The following TSHZ3 variants were observed in gnomAD, a reference collection of about 807,000 sequenced individuals.
The protein encoded by TSHZ3 is teashirt homolog 3.
Under a neutral mutation model 64.5 loss-of-function variants are expected in TSHZ3, and 10 were observed. That is an observed-to-expected ratio of 0.16 (90% CI 0.10 to 0.26). The LOEUF (loss-of-function observed/expected upper bound fraction) is 0.26, where lower values mean the gene tolerates loss of function less well. Ranked by LOEUF, TSHZ3 falls within the 10% of genes least tolerant of loss-of-function variation. TSHZ3 has a pLI of 1.00. For missense variants in TSHZ3, 1,242 were observed against 1,421.7 expected (o/e 0.87, Z 2.03); for synonymous variants, 608 against 593.1 (o/e 1.03, Z -0.36).
intron 3 of TSHZ3, among the ~76,000 whole-genome samples, chr19:31,233,882 G>A (rs1975572871): frequency 6.8e-6 from 1 of 147,076 alleles, no homozygotes; most frequent in Non-Finnish European, 1.5e-5. Flanking sequence ...TTTCAGCTAT[G>A]TTAGGTCTCT....
chr19:31,350,656 C>G (rs905179345), upstream of TSHZ3, among the ~76,000 whole-genome samples: 51 of 151,632 alleles, frequency 3.4e-4, no homozygotes, highest in African/African-American at 1.2e-3. Context: ...GCCCGGCCGA[C>G]TGGCCGCGGC....
At chr19:31,265,217 T>C (rs931697132) in intron 1 of TSHZ3, among the ~76,000 whole-genome samples, 95 of 151,218 alleles carry the variant, frequency 6.3e-4, no homozygotes, top group African/African-American at 2.2e-3. Flanking sequence ...GCCAACATGG[T>C]GAAACCCCGT....
At chr19:31,293,185 A>G (rs186031780) in intron 1 of TSHZ3, among the ~76,000 whole-genome samples, 1 of 152,266 alleles carries the variant, frequency 6.6e-6, no homozygotes, top group Admixed American at 6.5e-5. Flanking sequence ...TTCATCCAAT[A>G]TGTATTAGAC....
chr19:31,295,362 C>T (rs570861992), intron 1 of TSHZ3, among the ~76,000 whole-genome samples: 3 of 152,324 alleles, frequency 2.0e-5, no homozygotes, highest in African/African-American at 7.2e-5. Flanking sequence ...CGCTGATATC[C>T]TTTGATACGC....
rs184833402 is a variant in TSHZ3, at chr19:31,258,054, T to A, written n.64-15179A>T. ...AGACTGGGGCAATTGATAAACTGGG[T>A]GACTGCAGCTTAATCCCATGAGAAG... On this transcript the variant is annotated intron_variant and non_coding_transcript_variant, in intron 1 of 6. Coordinates refer to the TSHZ3 transcript ENST00000651361. Among the ~76,000 whole-genome samples, 15 of 152,182 alleles carry A rather than the reference T, an allele frequency of 9.9e-5. No individual in the cohort carries two copies. The East Asian group carries it at 2.7e-3, about 28-fold the overall frequency.
chr19:31,219,729 G>T (rs145909558), intron 4 of TSHZ3, among the ~76,000 whole-genome samples: 8 of 151,018 alleles, frequency 5.3e-5, no homozygotes, highest in South Asian at 2.1e-4. Context: ...AATTAAGACA[G>T]TTCTATTAGC....
chr19:31,232,277 C>T (rs1020516521), intron 3 of TSHZ3, among the ~76,000 whole-genome samples: 12 of 152,052 alleles, frequency 7.9e-5, no homozygotes, highest in African/African-American at 2.7e-4. Context: ...TGAGTAATTG[C>T]TGGCTGAAAA....
chr19:31,295,122 A>G (rs1976640623), intron 1 of TSHZ3, among the ~76,000 whole-genome samples: 1 of 152,244 alleles, frequency 6.6e-6, no homozygotes, highest in Non-Finnish European at 1.5e-5. Context: ...GTATACCCAT[A>G]TCATGAAATA....
At chr19:31,177,379 C>T (rs1599562207) in intron 5 of TSHZ3, among the ~76,000 whole-genome samples, 3 of 152,212 alleles carry the variant, frequency 2.0e-5, no homozygotes, top group South Asian at 2.1e-4. Flanking sequence ...TGGTTGCCCT[C>T]CCTCAAGGGG....
intron 1 of TSHZ3, among the ~76,000 whole-genome samples, chr19:31,300,870 G>C (rs984109757): frequency 9.9e-5 from 15 of 152,138 alleles, no homozygotes; most frequent in Non-Finnish European, 1.8e-4. Context: ...TTGTCAGGAA[G>C]AAAGTCCTAC....
intron 1 of TSHZ3, among the ~76,000 whole-genome samples, chr19:31,261,889 C>T (rs764090799): frequency 2.0e-5 from 3 of 152,140 alleles, no homozygotes; most frequent in Non-Finnish European, 4.4e-5. Context: ...TATATGAAGT[C>T]GGAACCCTCC....
intron 1 of TSHZ3, among the ~76,000 whole-genome samples, chr19:31,258,427 C>T (rs918253917): frequency 6.6e-6 from 1 of 152,186 alleles, no homozygotes; most frequent in Non-Finnish European, 1.5e-5. Context: ...CAAACCCTTG[C>T]TCCAAGTCCT....
chr19:31,329,659 C>G (rs1279543308), intron 1 of TSHZ3, among the ~76,000 whole-genome samples: 1 of 152,224 alleles, frequency 6.6e-6, no homozygotes, highest in Admixed American at 6.5e-5. Context: ...TTTTTCACTT[C>G]TGAATATCGG....
chr19:31,168,658 T>A (rs1974490756), intron 5 of TSHZ3, among the ~76,000 whole-genome samples: 1 of 152,004 alleles, frequency 6.6e-6, no homozygotes, highest in Non-Finnish European at 1.5e-5. Context: ...ACATCTGAGG[T>A]GGGGATGGAA....
At chr19:31,247,017 C>T (rs1319411416) in intron 1 of TSHZ3, among the ~76,000 whole-genome samples, 2 of 152,036 alleles carry the variant, frequency 1.3e-5, no homozygotes. Context: ...TCACCAGTTA[C>T]ATGGATATAA....
At chr19:31,195,884 G>C (rs1425111165) in intron 5 of TSHZ3, among the ~76,000 whole-genome samples, 1 of 151,922 alleles carries the variant, frequency 6.6e-6, no homozygotes, top group Non-Finnish European at 1.5e-5. Flanking sequence ...GATACTTTTT[G>C]AGAAATGAGT....
intron 5 of TSHZ3, among the ~76,000 whole-genome samples, chr19:31,186,524 C>T (rs1046553105): frequency 6.6e-6 from 1 of 152,204 alleles, no homozygotes; most frequent in Middle Eastern, 3.2e-3. Context: ...TTTCTGGGGC[C>T]TCCCAAGCCA....
chr19:31,234,530 C>T (rs754434761), intron 3 of TSHZ3, among the ~76,000 whole-genome samples: 6 of 152,120 alleles, frequency 3.9e-5, no homozygotes, highest in East Asian at 3.9e-4. Context: ...TAGATGCCCA[C>T]GATCAGGTTG....
At chr19:31,346,044 A>G (rs1917582438) in intron 1 of TSHZ3, among the ~76,000 whole-genome samples, 1 of 152,200 alleles carries the variant, frequency 6.6e-6, no homozygotes, top group Admixed American at 6.5e-5. Context: ...TTTCTCTTTG[A>G]GAAAAGACCC....
Sources: allele counts gnomAD v4.1 joint callset (sites outside exome capture counted in the v4.1 genomes callset), GRCh38; gene constraint gnomAD v4.1.1; transcripts MANE v1.5; gene names NCBI Gene and HGNC (gene_info 2026-07-23, HGNC 2026-07-21).